MYO3B: variants seen among roughly 807,000 people sequenced by gnomAD.
MYO3B encodes myosin IIIB.
Under a neutral mutation model 174.6 loss-of-function variants are expected in MYO3B, and 156 were observed. The ratio of observed to expected loss-of-function variants is 0.89; its 90% CI spans 0.78 to 1.02. The LOEUF (loss-of-function observed/expected upper bound fraction) is 1.02. MYO3B is among the 50% of genes least tolerant of loss of function. The probability of loss-of-function intolerance (pLI) is 0.00; values close to 1 mark genes in which losing one functional copy is unlikely to be tolerated. For synonymous variants in MYO3B, 563 were observed against 569.1 expected, an observed-to-expected ratio of 0.99 and a Z score of 0.15; for missense variants, 1,632 against 1,639.4, an observed-to-expected ratio of 1.00 and a Z score of 0.08.
At chr2:170,281,707 C>A (rs769160132) in intron 7 of MYO3B, among the ~76,000 whole-genome samples, 11 of 151,944 alleles carry the variant, frequency 7.2e-5, no homozygotes, top group Non-Finnish European at 1.0e-4. Context: ...AACAAGTCAA[C>A]CCCAAAGCTA....
chr2:170,607,500 C>T (rs560487975), intron 32 of MYO3B, among the ~76,000 whole-genome samples: 1 of 152,186 alleles, frequency 6.6e-6, no homozygotes, highest in Non-Finnish European at 1.5e-5. Context: ...AGACACATAC[C>T]CTTTTGGCCC....
intron 30 of MYO3B, among the ~76,000 whole-genome samples, chr2:170,533,162 C>G (rs1311837093): frequency 6.6e-6 from 1 of 152,102 alleles, no homozygotes; most frequent in Non-Finnish European, 1.5e-5. Flanking sequence ...AGTGATGGTC[C>G]TCAAGCTTCT....
Position 170,407,796 on chromosome 2 carries a change from G to C in MYO3B, c.2602G>C (p.Glu868Gln), listed in dbSNP as rs761565297. Residue 868 changes from glutamate (E) to glutamine (Q), a missense_variant, in exon 22 of 35, where the codon GAA becomes CAA. Transcript: ENST00000408978. ...ADVVVVLRTS[E>Q]NKLLQQLFSI... ...TGTGGTTGTGGTCCTGAGAACGTCA[G>C]AAAACAAGCTTCTTCAGCAGCTCTT... The C allele has an allele frequency of 6.2e-7, 1 of 1,614,094 alleles. No homozygotes were observed. The highest frequency in any genetic ancestry group is 8.5e-7 in the Non-Finnish European group (1 of 1,179,962).
rs77360765 is a variant in MYO3B at position 170,506,577 on chromosome 2, A to G, written c.3370+4712A>G. ...TTAATTTGGGGCTTCAAATTATCCA[A>G]CTCCAATACAGAGCACTCTAAAATA... On this transcript the variant is annotated intron_variant, in intron 28 of 34. Coordinates refer to ENST00000408978, the MANE Select transcript of MYO3B (RefSeq NM_138995.5). Among the ~76,000 whole-genome samples the G allele has an allele frequency of 9.1e-3, 1,384 of 152,314 alleles. 45 individuals carry two copies. The East Asian group carries it at 0.095, about 10-fold the overall frequency.
intron 22 of MYO3B, among the ~76,000 whole-genome samples, chr2:170,431,961 T>C (rs2094712672): frequency 6.6e-6 from 1 of 152,258 alleles, no homozygotes; most frequent in Admixed American, 6.5e-5. Flanking sequence ...GCCTTTGCAA[T>C]GCATTACTCA....
rs16858658 is a variant in MYO3B, at chr2:170,508,398, T to C, written c.3371-6523T>C. On this transcript the variant is annotated intron_variant, in intron 28 of 34. Transcript: ENST00000408978. ...ATCACATTTTATAACTTTTATTAGT[T>C]GTTTAGACTGTAACTACACAATAGT... is the stretch of plus-strand genomic sequence containing the variant. Among the ~76,000 whole-genome samples the C allele has an allele frequency of 6.1e-3, 936 of 152,360 alleles. 11 individuals are homozygous for C. The highest frequency in any genetic ancestry group is 0.021 in the African/African-American group (857 of 41,580).
intron 23 of MYO3B, among the ~76,000 whole-genome samples, chr2:170,451,545 A>G (rs1354155273): frequency 6.6e-6 from 1 of 152,244 alleles, no homozygotes; most frequent in African/African-American, 2.4e-5. Context: ...GTAATCTTTA[A>G]AATTGTCTTT....
intron 7 of MYO3B, among the ~76,000 whole-genome samples, chr2:170,265,351 A>G (rs750757981): frequency 6.6e-6 from 1 of 152,224 alleles, no homozygotes; most frequent in Non-Finnish European, 1.5e-5. Flanking sequence ...AAAAGAAAGC[A>G]CTCTTTTATA....
intron 7 of MYO3B, among the ~76,000 whole-genome samples, chr2:170,260,580 A>G (rs1242798706): frequency 6.6e-6 from 1 of 152,204 alleles, no homozygotes; most frequent in Non-Finnish European, 1.5e-5. Context: ...GAAGGGTTGA[A>G]AAACCACCTA....
intron 7 of MYO3B, among the ~76,000 whole-genome samples, chr2:170,318,146 T>C (rs1025702942): frequency 1.3e-5 from 2 of 152,200 alleles, no homozygotes; most frequent in African/African-American, 4.8e-5. Context: ...CTTTGTAAAA[T>C]ATAAAGCATC....
intron 22 of MYO3B, among the ~76,000 whole-genome samples, chr2:170,429,175 AG>A (rs2094688666): frequency 1.3e-5 from 2 of 152,230 alleles, no homozygotes. Context: ...TTTAATTTGC[AG>A]TGATCAGTTG....
intron 29 of MYO3B, among the ~76,000 whole-genome samples, chr2:170,517,936 T>C (rs2106134575): frequency 6.6e-6 from 1 of 152,270 alleles, no homozygotes; most frequent in East Asian, 1.9e-4. Flanking sequence ...TTTTTCTTTA[T>C]TTCTATTTTT....
rs921167212 is a variant in MYO3B at position 170,654,896 on chromosome 2, G to A, written c.*1775G>A. 1.2e-4 allele frequency: 18 copies of A among 151,710 alleles called. No individual in the cohort carries two copies. The highest frequency in any genetic ancestry group is 3.3e-4 in the Admixed American group (5 of 14,994). 9.4% of individuals were successfully genotyped at this position (151,710 alleles called of 1,614,324 possible). On this transcript the variant is annotated 3_prime_UTR_variant, in exon 35 of 35. Transcript: ENST00000408978. The stretch of plus-strand genomic sequence containing the variant: ...CCAAAAGGTAATGTTTATAAGTAGA[G>A]CAGAAAAAATGCAGATAAATTTTAT...
chr2:170,514,076 G>T (rs932703312), intron 28 of MYO3B, among the ~76,000 whole-genome samples: 1 of 152,146 alleles, frequency 6.6e-6, no homozygotes, highest in South Asian at 2.1e-4. Context: ...TTATTGCCTC[G>T]GGGCAGGACC....
Position 170,653,383 on chromosome 2 carries a change from A to C in MYO3B, c.*262A>C, listed in dbSNP as rs1699128191. 1 of 472,296 alleles carries C rather than the reference A, an allele frequency of 2.1e-6. No homozygotes were observed. The highest frequency in any genetic ancestry group is 3.8e-6 in the Non-Finnish European group (1 of 264,896). The allele number at this position is 472,296 out of a possible 1,614,324, so 29.3% of individuals were successfully genotyped here. Reference sequence around the variant, plus strand: ...CCTGTGGGACACTGAGAACACCTTTACAATAGTTTAAACAGTCATTCATGC... The same window carrying C: ...CCTGTGGGACACTGAGAACACCTTTCCAATAGTTTAAACAGTCATTCATGC... On this transcript the variant is annotated 3_prime_UTR_variant, in exon 35 of 35. Coordinates refer to ENST00000408978, the MANE Select transcript of MYO3B (RefSeq NM_138995.5).
chr2:170,196,004 G>T (rs957287225), intron 1 of MYO3B, among the ~76,000 whole-genome samples: 1 of 152,162 alleles, frequency 6.6e-6, no homozygotes, highest in African/African-American at 2.4e-5. Context: ...TTTTCTGAGA[G>T]TTGTTCATTT....
At chr2:170,459,520 A>G (rs1684121291) in intron 23 of MYO3B, among the ~76,000 whole-genome samples, 1 of 152,066 alleles carries the variant, frequency 6.6e-6, no homozygotes, top group Non-Finnish European at 1.5e-5. Flanking sequence ...ACCTTTAACT[A>G]GACATAGAAG....
chr2:170,224,731 C>T (rs923415725), intron 6 of MYO3B, among the ~76,000 whole-genome samples: 2 of 152,078 alleles, frequency 1.3e-5, no homozygotes, highest in African/African-American at 4.8e-5. Flanking sequence ...GAAAATTCTC[C>T]CCCTCTTTAC....
At chr2:170,567,048 A>T (rs1692116220) in intron 32 of MYO3B, among the ~76,000 whole-genome samples, 2 of 152,152 alleles carry the variant, frequency 1.3e-5, no homozygotes, top group Admixed American at 6.6e-5. Flanking sequence ...TATGAAAAAG[A>T]GGTGGTAGAA....
Sources: allele counts gnomAD v4.1 joint callset (sites outside exome capture counted in the v4.1 genomes callset), GRCh38; gene constraint gnomAD v4.1.1; transcripts MANE v1.5; gene names NCBI Gene and HGNC (gene_info 2026-07-23, HGNC 2026-07-21).